The following TOGARAM2 variants were observed in gnomAD, a reference collection of about 807,000 sequenced individuals.
TOGARAM2 encodes the protein TOG array regulator of axonemal microtubules protein 2.
Under a neutral mutation model 93.3 loss-of-function variants are expected in TOGARAM2, and 85 were observed. That is an observed-to-expected ratio of 0.91 (90% CI 0.76 to 1.09). TOGARAM2 has a LOEUF of 1.09. TOGARAM2 is among the 50% of genes least tolerant of loss of function. The pLI, the probability that TOGARAM2 is intolerant of heterozygous loss-of-function variation, is 0.00. For missense variants in TOGARAM2, 1,277 were observed against 1,334.5 expected, an observed-to-expected ratio of 0.96 and a Z score of 0.67; for synonymous variants, 593 against 552.8, an observed-to-expected ratio of 1.07 and a Z score of -1.02.
intron 6 of TOGARAM2, among the ~76,000 whole-genome samples, chr2:29,009,701 G>T (rs1664105641): frequency 6.6e-6 from 1 of 152,182 alleles, no homozygotes. Context: ...CAGTGCTGAG[G>T]CCACTCTTGG....
intron 1 of TOGARAM2, among the ~76,000 whole-genome samples, chr2:28,964,389 T>C (rs1558392151): frequency 6.6e-6 from 1 of 152,170 alleles, no homozygotes; most frequent in African/African-American, 2.4e-5. Flanking sequence ...ATTTGTATGA[T>C]GTATCTCTTT....
chr2:28,979,570 T>C (rs116054215), upstream of TOGARAM2, among the ~76,000 whole-genome samples: 926 of 152,278 alleles, frequency 6.1e-3, 11 homozygotes, highest in African/African-American at 0.021. Context: ...CTGGGGCCTC[T>C]CTCCATCACT....
chr2:29,017,729 G>A, intron 9 of TOGARAM2, 63 bp from the exon 10 acceptor site: 2 of 1,456,522 alleles, frequency 1.4e-6, no homozygotes, highest in Middle Eastern at 1.8e-4. Flanking sequence ...ATTTTCAAAG[G>A]AGGACATTGA....
intron 2 of TOGARAM2, among the ~76,000 whole-genome samples, chr2:28,997,556 C>T (rs1278978685): frequency 5.9e-5 from 9 of 152,054 alleles, no homozygotes; most frequent in East Asian, 1.9e-4. Flanking sequence ...CTCTGTGTCG[C>T]GGATAGAGGG....
intron 1 of TOGARAM2, among the ~76,000 whole-genome samples, chr2:28,982,585 C>A (rs72613832): frequency 0.087 from 13,248 of 151,898 alleles, 1,472 homozygotes; most frequent in East Asian, 0.61. Context: ...CTGAGACTAA[C>A]AGATTTGAAG....
At chr2:28,986,672 C>T (rs2148247641) in intron 1 of TOGARAM2, among the ~76,000 whole-genome samples, 1 of 152,338 alleles carries the variant, frequency 6.6e-6, no homozygotes, top group South Asian at 2.1e-4. Flanking sequence ...AAGGTGGCAC[C>T]TCCGTGTTGC....
chr2:29,023,532 G>A (rs1026680672), intron 12 of TOGARAM2, among the ~76,000 whole-genome samples: 4 of 152,184 alleles, frequency 2.6e-5, no homozygotes, highest in Non-Finnish European at 2.9e-5. Flanking sequence ...TTCCCAAAGC[G>A]TTTCTTTCAT....
intron 7 of TOGARAM2, among the ~76,000 whole-genome samples, chr2:29,012,142 G>A (rs1325810169): frequency 2.0e-5 from 3 of 152,188 alleles, no homozygotes; most frequent in South Asian, 2.1e-4. Context: ...TCTATGGGGA[G>A]GTGGGACGGG....
rs199664444 is a variant in TOGARAM2 at position 29,051,896 on chromosome 2, C to T, written c.2863C>T (p.Arg955Trp). The change falls in exon 20 of 20, where the codon CGG becomes TGG. Residue 955 changes from arginine to tryptophan, a missense_variant. By Grantham distance (101) the Arg-to-Trp change is moderately radical. Coordinates refer to ENST00000379558, the MANE Select transcript of TOGARAM2 (RefSeq NM_199280.4). ...PSGNIRGVVC[R>W]LSRSLQEHMG... ...CGGGAACATCCGCGGGGTGGTGTGC[C>T]GGCTGTCCAGGAGCCTCCAGGAGCA... The T allele has an allele frequency of 1.8e-4, 286 of 1,581,536 alleles. 1 individual carries two copies. In the African/African-American group the frequency reaches 2.8e-3, roughly 16 times the overall value.
At chr2:29,046,718 G>A (rs1022198397) in intron 19 of TOGARAM2, 5 of 152,408 alleles carry the variant, frequency 3.3e-5, no homozygotes, top group African/African-American at 1.2e-4. Flanking sequence ...AAGGTCTCTT[G>A]GTGAGGAGCC....
chr2:29,026,889 G>A lies in TOGARAM2; in HGVS notation c.1890G>A (p.Glu630=), dbSNP rs189858078. 3.3e-4 allele frequency: 526 copies of A among 1,592,208 alleles called. 3 individuals are homozygous for A. The African/African-American group carries it at 6.4e-3, about 19-fold the overall frequency. ...RNPLIRKYAA[E]HLSAVLEQIG... Reference sequence around the variant, plus strand: ...CCTTGATCCGGAAATACGCGGCTGAGCACCTCTCAGCTGTGCTGGAGCAGA... The same window carrying A: ...CCTTGATCCGGAAATACGCGGCTGAACACCTCTCAGCTGTGCTGGAGCAGA... Residue 630 remains glutamate (E), a synonymous_variant, in exon 14 of 20, where the codon GAG becomes GAA. Transcript: ENST00000379558.
chr2:28,961,508 A>ATTTTTTTTTTTTTTTGTATTT (rs1424764328), intron 1 of TOGARAM2, among the ~76,000 whole-genome samples: 1 of 151,670 alleles, frequency 6.6e-6, no homozygotes, highest in Non-Finnish European at 1.5e-5. Context: ...TGCCCGGCTA[A>ATTTTTTTTTTTTTTTGTATTT]TTTTTGTATT....
rs779246627 is a variant in TOGARAM2 at position 29,024,279 on chromosome 2, G to T, written c.1758G>T (p.Glu586Asp). 1 of 1,613,342 alleles carries T rather than the reference G, an allele frequency of 6.2e-7. No individual in the cohort carries two copies. Among genetic ancestry groups the T allele is most frequent in the African/African-American group, 1.3e-5 (1 of 75,046 alleles). The stretch of plus-strand genomic sequence containing the variant: ...TGCAGAAGATGGCGGACACCAACGA[G>T]TTCATCCAGAGAGCAGCCGGCCAGT... ...CLLQKMADTN[E>D]FIQRAAGQSL... Residue 586 changes from glutamate to aspartate, a missense_variant, in exon 13 of 20, where the codon GAG (glutamate) becomes GAT (aspartate). Transcript: ENST00000379558.
chr2:28,990,956 G>C (rs1458255694), intron 1 of TOGARAM2, among the ~76,000 whole-genome samples: 6 of 143,732 alleles, frequency 4.2e-5, no homozygotes, highest in Non-Finnish European at 9.1e-5. Context: ...AGACAGTGTG[G>C]GTGTATGGAC....
chr2:29,005,435 G>C (rs1445750009), intron 6 of TOGARAM2, among the ~76,000 whole-genome samples: 1 of 149,574 alleles, frequency 6.7e-6, no homozygotes, highest in Non-Finnish European at 1.5e-5. Flanking sequence ...ATGCATGTGC[G>C]TGAGTGCATG....
chr2:29,028,247 C>G (rs1408406504), intron 14 of TOGARAM2, among the ~76,000 whole-genome samples: 1 of 152,210 alleles, frequency 6.6e-6, no homozygotes, highest in African/African-American at 2.4e-5. Flanking sequence ...CATGCCCACC[C>G]TGGATGGGTG....
chr2:29,033,212 T>A (rs1296005963), intron 15 of TOGARAM2, among the ~76,000 whole-genome samples, 161 bp downstream of exon 15: 1 of 152,194 alleles, frequency 6.6e-6, no homozygotes, highest in African/African-American at 2.4e-5. Flanking sequence ...ATTTCTGTCC[T>A]CTGTGCTCAC....
chr2:28,963,868 C>T (rs2148215569), intron 1 of TOGARAM2, among the ~76,000 whole-genome samples: 1 of 152,216 alleles, frequency 6.6e-6, no homozygotes, highest in South Asian at 2.1e-4. Flanking sequence ...ATTAGCTGGG[C>T]ATGGTAGTGT....
At position 29,028,505 on chromosome 2, in the gene TOGARAM2, A is replaced by G. The variant is rs142282984; in HGVS notation, c.2012+1494A>G. On this transcript the variant is annotated intron_variant, in intron 14 of 19. Transcript: ENST00000379558. The stretch of plus-strand genomic sequence containing the variant: ...GCATGTGGCAATTTCTAGATTTCTA[A>G]TTTTTATCCATCTAATGGGTAAAAA... Among the ~76,000 whole-genome samples the G allele has an allele frequency of 2.0e-5, 3 of 152,262 alleles. No individual in the cohort carries two copies. The East Asian group carries it at 5.8e-4, about 29-fold the overall frequency.
Sources: allele counts gnomAD v4.1 joint callset (sites outside exome capture counted in the v4.1 genomes callset), GRCh38; gene constraint gnomAD v4.1.1; transcripts MANE v1.5; gene names NCBI Gene and HGNC (gene_info 2026-07-23, HGNC 2026-07-21).